The following GCH1 variants were observed in gnomAD, a reference collection of about 807,000 sequenced individuals.
GCH1 encodes the protein GTP cyclohydrolase I.
GCH1 carries 5 observed loss-of-function variants against 25.9 expected under a neutral mutation model. The ratio of observed to expected loss-of-function variants is 0.19; its 90% CI spans 0.10 to 0.41. GCH1 has a LOEUF of 0.41. Ranked by LOEUF, GCH1 falls within the 10% of genes least tolerant of loss-of-function variation. GCH1 has a pLI of 1.00. For missense variants in GCH1, 261 were observed against 336.5 expected, an observed-to-expected ratio of 0.78 and a Z score of 1.75; for synonymous variants, 159 against 129.6, an observed-to-expected ratio of 1.23 and a Z score of -1.54.
chr14:54,871,465 C>A (rs908556741), intron 1 of GCH1, among the ~76,000 whole-genome samples: 1 of 152,222 alleles, frequency 6.6e-6, no homozygotes, highest in Non-Finnish European at 1.5e-5. Context: ...AGGAACGCAG[C>A]TCCTCACCAG....
intron 1 of GCH1, among the ~76,000 whole-genome samples, chr14:54,872,142 T>C (rs1425438588): frequency 6.6e-6 from 1 of 152,156 alleles, no homozygotes; most frequent in Non-Finnish European, 1.5e-5. Flanking sequence ...GACTAACAGC[T>C]GATCTCTCGG....
At chr14:54,878,667 C>T (rs150394824) in intron 1 of GCH1, among the ~76,000 whole-genome samples, 168 of 152,308 alleles carry the variant, frequency 1.1e-3, no homozygotes, top group Middle Eastern at 6.8e-3. Context: ...GGCTTTGGAG[C>T]TTCTACACAC....
intron 1 of GCH1, among the ~76,000 whole-genome samples, chr14:54,896,272 C>G (rs1047483961): frequency 9.2e-5 from 14 of 152,212 alleles, no homozygotes; most frequent in African/African-American, 3.4e-4. Context: ...CTCATGCTCT[C>G]TAAAGAAATA....
At chr14:54,884,413 T>C (rs935183471) in intron 1 of GCH1, among the ~76,000 whole-genome samples, 1 of 151,674 alleles carries the variant, frequency 6.6e-6, no homozygotes, top group African/African-American at 2.4e-5. Context: ...GGTCTATGCA[T>C]GGAACAGAAA....
chr14:54,864,843 GAAAGGAA>G (rs1455798436), intron 2 of GCH1, among the ~76,000 whole-genome samples: 2 of 152,064 alleles, frequency 1.3e-5, no homozygotes, highest in Non-Finnish European at 2.9e-5. Context: ...TCCTAATATA[GAAAGGAA>G]TGGAAACAAA....
Position 54,844,407 on chromosome 14 carries a change from T to C in GCH1, c.627-264A>G, listed in dbSNP as rs17253577. Among the ~76,000 whole-genome samples, 13,372 of 152,242 alleles carry C rather than the reference T, an allele frequency of 0.088. 726 individuals are homozygous for C. Among genetic ancestry groups the C allele is most frequent in the Non-Finnish European group, 0.11 (7,429 of 68,014 alleles). ...GTCTTGCAACTTTTATTTTTATCAGTAGTTGATCCTTAAAGCATCCAAAAA... is the reference window on the plus strand; with the variant it reads ...GTCTTGCAACTTTTATTTTTATCAGCAGTTGATCCTTAAAGCATCCAAAAA... On this transcript the variant is annotated intron_variant, in intron 5 of 5. Coordinates refer to ENST00000491895, the MANE Select transcript of GCH1 (RefSeq NM_000161.3).
At position 54,846,999 on chromosome 14, in the gene GCH1, C is replaced by T; in HGVS notation, c.541+100G>A. ...GAGCCGAGATTGCACCACTGCACTC[C>T]AGCCTGGGTGACAGAGCAAGACTCT... On this transcript the variant is annotated intron_variant, in intron 4 of 5. Coordinates refer to ENST00000491895, the MANE Select transcript of GCH1 (RefSeq NM_000161.3). The T allele has an allele frequency of 5.7e-6, 3 of 526,908 alleles. No individual in the cohort carries two copies. In the South Asian group the frequency reaches 5.8e-5, roughly 10 times the overall value. The allele number at this position is 526,908 out of a possible 1,614,324, so 32.6% of individuals were successfully genotyped here.
chr14:54,849,394 T>C (rs2039691387), intron 3 of GCH1, among the ~76,000 whole-genome samples: 1 of 152,114 alleles, frequency 6.6e-6, no homozygotes, highest in African/African-American at 2.4e-5. Flanking sequence ...TGTTGAGAGG[T>C]ATTTGCTGGG....
intron 1 of GCH1, among the ~76,000 whole-genome samples, chr14:54,894,114 T>A (rs2040456634): frequency 6.6e-6 from 1 of 152,184 alleles, no homozygotes; most frequent in South Asian, 2.1e-4. Flanking sequence ...TAATACAAGT[T>A]GAATTGTGCC....
chr14:54,896,846 G>A (rs1455506914), intron 1 of GCH1, among the ~76,000 whole-genome samples: 6 of 147,260 alleles, frequency 4.1e-5, no homozygotes, highest in South Asian at 2.1e-4. Context: ...TGTGAACCGG[G>A]AGACCGAGCT....
At position 54,865,344 on chromosome 14, in the gene GCH1, C is replaced by T. The variant is rs767979398; in HGVS notation, c.436G>A (p.Val146Ile). The change falls in exon 2 of 6, where the codon GTT (valine) becomes ATT (isoleucine). Residue 146 changes from valine to isoleucine, a missense_variant. This residue lies in a region of GCH1 where 130 missense variants were observed against 184.1 expected (regional missense o/e 0.71). Coordinates refer to ENST00000491895, the MANE Select transcript of GCH1 (RefSeq NM_000161.3). ...AACCTTACCTTTCCAACAAATGGAA[C>T]CAAGTGATGCTCACACATGGAAAAC... Reference protein sequence around the residue: ...DMFSMCEHHLVPFVGKVHIGY... With the variant: ...DMFSMCEHHLIPFVGKVHIGY... 2.6e-6 allele frequency: 4 copies of T among 1,519,380 alleles called. No individual in the cohort carries two copies. The highest frequency in any genetic ancestry group is 3.7e-6 in the Non-Finnish European group (4 of 1,093,954). The allele number at this position is 1,519,380 out of a possible 1,614,324, so 94.1% of individuals were successfully genotyped here.
intron 3 of GCH1, among the ~76,000 whole-genome samples, chr14:54,847,826 G>A (rs1036441480): frequency 3.9e-5 from 6 of 152,028 alleles, no homozygotes; most frequent in African/African-American, 1.4e-4. Flanking sequence ...ACAGAGATGA[G>A]TAACAAAATT....
intron 1 of GCH1, among the ~76,000 whole-genome samples, chr14:54,888,669 C>T (rs1308597090): frequency 3.4e-5 from 5 of 145,170 alleles, no homozygotes; most frequent in Non-Finnish European, 6.0e-5. Flanking sequence ...CCCACAACCA[C>T]GCCCGGCTAA....
intron 2 of GCH1, 147 bp downstream of exon 2, chr14:54,865,176 TAGTC>T (rs1457400601): frequency 1.6e-5 from 9 of 565,114 alleles, no homozygotes; most frequent in South Asian, 4.5e-5. Context: ...TTCAAGTTAT[TAGTC>T]AGGTTAATAA....
chr14:54,847,693 G>C (rs964794400), intron 3 of GCH1, among the ~76,000 whole-genome samples: 1 of 147,798 alleles, frequency 6.8e-6, no homozygotes, highest in Admixed American at 6.7e-5. Context: ...TCTCCTATTA[G>C]TTCTGTCCCT....
intron 1 of GCH1, 137 bp from the exon 2 acceptor site, chr14:54,865,573 A>G (rs1002547614): frequency 3.5e-5 from 23 of 655,198 alleles, no homozygotes; most frequent in African/African-American, 2.9e-4. Flanking sequence ...TTAAAACTAG[A>G]TATTTTTCCT....
intron 1 of GCH1, among the ~76,000 whole-genome samples, chr14:54,874,820 C>T (rs1336288693): frequency 6.6e-6 from 1 of 152,124 alleles, no homozygotes; most frequent in Admixed American, 6.6e-5. Flanking sequence ...AACTACAAAC[C>T]ACTGCTCCAT....
intron 1 of GCH1, 35 bp downstream of exon 1, chr14:54,902,286 G>T (rs1566687129): frequency 1.2e-6 from 2 of 1,604,588 alleles, no homozygotes; most frequent in Non-Finnish European, 1.7e-6. Context: ...CGCCCCCGCC[G>T]CCCGCACGCT....
At chr14:54,845,120 C>T (rs2039621107) in intron 5 of GCH1, among the ~76,000 whole-genome samples, 1 of 151,656 alleles carries the variant, frequency 6.6e-6, no homozygotes, top group Non-Finnish European at 1.5e-5. Flanking sequence ...TTGCAGTGAG[C>T]CAAGATCACA....
Sources: allele counts gnomAD v4.1 joint callset (sites outside exome capture counted in the v4.1 genomes callset), GRCh38; gene constraint gnomAD v4.1.1; regional missense constraint gnomAD v4.1.1; transcripts MANE v1.5; gene names NCBI Gene and HGNC (gene_info 2026-07-23, HGNC 2026-07-21).